Variants in CLVS1 observed in about 807,000 individuals in gnomAD.
CLVS1 encodes clavesin 1, also known as clavesin-1.
Under a neutral mutation model 33.1 loss-of-function variants are expected in CLVS1, and 10 were observed. The observed-to-expected ratio is 0.30, with a 90% CI of 0.19 to 0.51. CLVS1 has a LOEUF of 0.51. CLVS1 is among the 20% of genes least tolerant of loss of function. CLVS1 has a pLI of 0.97. For missense variants in CLVS1, 343 were observed against 433.4 expected (o/e 0.79, Z 1.85); for synonymous variants, 163 against 166.1 (o/e 0.98, Z 0.14).
intron 3 of CLVS1, among the ~76,000 whole-genome samples, chr8:61,439,458 C>T (rs368933394): frequency 8.5e-5 from 13 of 152,256 alleles, no homozygotes; most frequent in African/African-American, 3.1e-4. Flanking sequence ...AGAATGCAGG[C>T]TAGGTGGATT....
rs189423552 is a variant in CLVS1 at position 61,079,802 on chromosome 8, C to T, written c.-243+22572C>T. ...AAAAGCCATTAGGAAAAAAAAAACA[C>T]GTCAATAGATCTGGAACTAGACAGC... On this transcript the variant is annotated intron_variant, in intron 1 of 2. Transcript: ENST00000522621. Among the ~76,000 whole-genome samples the T allele has an allele frequency of 9.3e-5, 14 of 149,880 alleles. No homozygotes were observed. In the South Asian group the frequency reaches 1.1e-3, roughly 11 times the overall value.
At chr8:61,336,893 A>G (rs1365598985) in intron 2 of CLVS1, among the ~76,000 whole-genome samples, 1 of 152,318 alleles carries the variant, frequency 6.6e-6, no homozygotes, top group African/African-American at 2.4e-5. Context: ...AACAAACAAA[A>G]AAATAAAACC....
At chr8:61,085,176 G>A (rs994576619) in intron 1 of CLVS1, among the ~76,000 whole-genome samples, 2 of 152,228 alleles carry the variant, frequency 1.3e-5, no homozygotes, top group African/African-American at 2.4e-5. Flanking sequence ...ATGATTCTAA[G>A]AGGGTTGAAT....
At chr8:61,300,594 C>A in intron 2 of CLVS1, 1 of 221,934 alleles carries the variant, frequency 4.5e-6, no homozygotes. Context: ...GTGTTCTCAT[C>A]TTTAATAAGA....
chr8:61,165,183 G>C (rs1234662667), intron 2 of CLVS1, among the ~76,000 whole-genome samples: 1 of 152,240 alleles, frequency 6.6e-6, no homozygotes, highest in Non-Finnish European at 1.5e-5. Flanking sequence ...CTTGGATAAG[G>C]AGCATAGCAG....
intron 3 of CLVS1, among the ~76,000 whole-genome samples, chr8:61,413,165 A>G (rs187159730): frequency 0.014 from 2,087 of 152,348 alleles, 35 homozygotes; most frequent in African/African-American, 0.047. Context: ...GGTGGAGCCC[A>G]GCCCAAGATC....
At chr8:61,393,229 A>T (rs368518224) in intron 3 of CLVS1, among the ~76,000 whole-genome samples, 5 of 152,036 alleles carry the variant, frequency 3.3e-5, no homozygotes, top group Non-Finnish European at 1.5e-5. Flanking sequence ...TTCTCTAAGT[A>T]TGTCTTTCAT....
chr8:61,412,840 T>C (rs1448374692), intron 3 of CLVS1, among the ~76,000 whole-genome samples: 1 of 152,228 alleles, frequency 6.6e-6, no homozygotes, highest in African/African-American at 2.4e-5. Flanking sequence ...AGAACTGGTA[T>C]TAAGAAGCTC....
At chr8:61,101,403 G>A (rs1212665114) in intron 1 of CLVS1, among the ~76,000 whole-genome samples, 1 of 152,098 alleles carries the variant, frequency 6.6e-6, no homozygotes, top group African/African-American at 2.4e-5. Flanking sequence ...TCTTACATGT[G>A]TTTGTATATC....
At chr8:61,322,682 G>T (rs1002694852) in intron 2 of CLVS1, among the ~76,000 whole-genome samples, 1 of 152,070 alleles carries the variant, frequency 6.6e-6, no homozygotes, top group African/African-American at 2.4e-5. Flanking sequence ...AACAGGAATG[G>T]ACTATTCATA....
chr8:61,415,156 TTC>T (rs1379172914), intron 3 of CLVS1, among the ~76,000 whole-genome samples: 2 of 152,240 alleles, frequency 1.3e-5, no homozygotes, highest in Non-Finnish European at 2.9e-5. Flanking sequence ...CTCAAAACAC[TTC>T]TCTCTGTTTT....
chr8:61,129,235 T>G (rs1806038832), intron 1 of CLVS1, among the ~76,000 whole-genome samples: 1 of 152,252 alleles, frequency 6.6e-6, no homozygotes, highest in African/African-American at 2.4e-5. Flanking sequence ...TATCACATTA[T>G]CTGTTTTGGA....
chr8:61,043,318 T>A, the CLVS1 span, among the ~76,000 whole-genome samples: 29,755 of 152,184 alleles, frequency 0.2, 3,959 homozygotes, highest in African/African-American at 0.38. Flanking sequence ...TCAGGGTAGT[T>A]AATCAAAAGC....
At chr8:61,360,569 A>G (rs1812933824) in intron 2 of CLVS1, among the ~76,000 whole-genome samples, 1 of 152,220 alleles carries the variant, frequency 6.6e-6, no homozygotes, top group South Asian at 2.1e-4. Flanking sequence ...CTCTTCTGAG[A>G]TGGCTTTGTC....
chr8:61,207,279 G>A (rs1229983571), intron 2 of CLVS1, among the ~76,000 whole-genome samples: 2 of 129,414 alleles, frequency 1.5e-5, no homozygotes, highest in African/African-American at 3.2e-5. Context: ...CTCAAGTGAA[G>A]TTCAGAGATG....
At chr8:61,071,246 T>C (rs1804792029) in intron 1 of CLVS1, among the ~76,000 whole-genome samples, 1 of 152,250 alleles carries the variant, frequency 6.6e-6, no homozygotes, top group African/African-American at 2.4e-5. Context: ...TAAGAAAGTA[T>C]CTGACAGGTC....
In CLVS1 at chr8:61,218,220, A is replaced by G. The variant is rs1466498830; in HGVS notation, c.-151-81457A>G. ...GCACCTCCATGTTTATTGTAGCTGT[A>G]TTCAAAAATAGTCACAATATGGAGT... On this transcript the variant is annotated intron_variant, in intron 2 of 2. Transcript: ENST00000522621. 2.6e-5 allele frequency among the ~76,000 whole-genome samples: 4 copies of G among 152,220 alleles called. No individual in the cohort carries two copies. In the East Asian group the frequency reaches 5.8e-4, roughly 22 times the overall value.
intron 2 of CLVS1, among the ~76,000 whole-genome samples, chr8:61,218,796 A>AAAAT (rs34022821): frequency 0.03 from 4,284 of 142,426 alleles, 250 homozygotes; most frequent in African/African-American, 0.093. Context: ...AAAAAAAAAA[A>AAAAT]AGCTGGGAGT....
In CLVS1 at chr8:61,268,012, CT is replaced by C. The variant is rs199533594; in HGVS notation, c.-151-31655del. 4.9e-4 allele frequency among the ~76,000 whole-genome samples: 73 copies of C among 150,436 alleles called. No individual in the cohort carries two copies. The South Asian group carries it at 7.3e-3, about 15-fold the overall frequency. ...TGGATACTCAACACAATATAAAAGT[CT>C]TTTTTTTTTATTTTTATTATACTTT... is the stretch of plus-strand genomic sequence containing the variant. On this transcript the variant is annotated intron_variant, in intron 2 of 2. Coordinates refer to the CLVS1 transcript ENST00000522621.
Sources: gnomAD v4.1 joint callset for allele counts (sites outside exome capture counted in the v4.1 genomes callset) on GRCh38, gnomAD v4.1.1 for gene constraint, MANE v1.5 for transcripts, NCBI Gene and HGNC (gene_info 2026-07-23, HGNC 2026-07-21) for gene names.